SHROOM3: variants seen among roughly 807,000 people sequenced by gnomAD.
SHROOM3 encodes the protein protein Shroom3.
Under a neutral mutation model 138.6 loss-of-function variants are expected in SHROOM3, and 47 were observed. The ratio of observed to expected loss-of-function variants is 0.34; its 90% CI spans 0.27 to 0.43. The LOEUF is 0.43. Ranked by LOEUF, SHROOM3 falls within the 20% of genes least tolerant of loss-of-function variation. The probability of loss-of-function intolerance (pLI) is 1.00; values close to 1 mark genes in which losing one functional copy is unlikely to be tolerated. For missense variants in SHROOM3, 2,491 were observed against 2,596.5 expected (o/e 0.96, Z 0.88); for synonymous variants, 1,062 against 1,063.3 (o/e 1.00, Z 0.02).
chr4:76,538,106 C>T (rs941577166), intron 1 of SHROOM3, among the ~76,000 whole-genome samples: 2 of 152,122 alleles, frequency 1.3e-5, no homozygotes, highest in Non-Finnish European at 2.9e-5. Context: ...CAGGGTTTCA[C>T]CAGGCTGGTC....
intron 9 of SHROOM3, among the ~76,000 whole-genome samples, chr4:76,765,056 T>C (rs1475709635): frequency 6.6e-6 from 1 of 152,120 alleles, no homozygotes; most frequent in South Asian, 2.1e-4. Flanking sequence ...GATTGGATAA[T>C]TTCTGTTGGT....
At chr4:76,562,269 A>G (rs1297785631) in intron 2 of SHROOM3, among the ~76,000 whole-genome samples, 1 of 152,182 alleles carries the variant, frequency 6.6e-6, no homozygotes, top group Admixed American at 6.5e-5. Flanking sequence ...TAAGTTCACC[A>G]AGACCCTTGG....
At chr4:76,462,050 G>T (rs1161732947) in intron 1 of SHROOM3, among the ~76,000 whole-genome samples, 1 of 152,168 alleles carries the variant, frequency 6.6e-6, no homozygotes, top group Non-Finnish European at 1.5e-5. Flanking sequence ...CCCTCCTACA[G>T]TATTAGCTCT....
intron 1 of SHROOM3, among the ~76,000 whole-genome samples, chr4:76,498,700 T>C (rs1452364854): frequency 6.6e-6 from 1 of 152,056 alleles, no homozygotes; most frequent in Non-Finnish European, 1.5e-5. Context: ...GAGAGGCATA[T>C]TTGCTGAATA....
intron 5 of SHROOM3, chr4:76,742,200 G>T: frequency 1.0e-5 from 5 of 488,420 alleles, no homozygotes; most frequent in South Asian, 5.4e-5. Context: ...ACCTCTCAAT[G>T]GAAAAATGCA....
At chr4:76,671,098 C>T (rs1718867379) in intron 2 of SHROOM3, among the ~76,000 whole-genome samples, 1 of 152,174 alleles carries the variant, frequency 6.6e-6, no homozygotes, top group African/African-American at 2.4e-5. Context: ...GTTCAACAAA[C>T]ATTTGACCAC....
intron 1 of SHROOM3, among the ~76,000 whole-genome samples, chr4:76,500,661 A>G (rs1038043021): frequency 5.9e-5 from 9 of 152,146 alleles, no homozygotes; most frequent in Non-Finnish European, 1.3e-4. Flanking sequence ...GTGGGTACAC[A>G]GTAGTATCTC....
intron 1 of SHROOM3, among the ~76,000 whole-genome samples, chr4:76,452,832 C>T (rs1191313216): frequency 6.6e-6 from 1 of 152,184 alleles, no homozygotes; most frequent in Non-Finnish European, 1.5e-5. Context: ...ATTCTCCTGC[C>T]TCAGCCTCCC....
At chr4:76,728,255 A>T (rs2110127109) in intron 3 of SHROOM3, among the ~76,000 whole-genome samples, 1 of 152,326 alleles carries the variant, frequency 6.6e-6, no homozygotes, top group South Asian at 2.1e-4. Context: ...ACAAAATCTC[A>T]TCTTTAATTC....
At chr4:76,746,780 ACAT>A (rs1721446979) in intron 5 of SHROOM3, among the ~76,000 whole-genome samples, 1 of 138,540 alleles carries the variant, frequency 7.2e-6, no homozygotes, top group South Asian at 2.3e-4. Context: ...CTTTAGATTT[ACAT>A]TATTATTATT....
At position 76,741,014 on chromosome 4, in the gene SHROOM3, G is replaced by T; in HGVS notation, c.2841G>T (p.Glu947Asp). ...GATSFRRRDL[E>D]LGAPVASRSW... The stretch of plus-strand genomic sequence containing the variant: ...CCTCCTTTCGACGTCGAGACCTGGA[G>T]CTGGGGGCGCCCGTGGCGTCGAGGT... Residue 947 changes from glutamate to aspartate, a missense_variant, in exon 5 of 11, where the codon GAG becomes GAT. Glu to Asp is a conservative substitution (Grantham distance 45). Transcript: ENST00000296043. The surrounding 1 kb of genome is among the most constrained non-coding windows in gnomAD (Gnocchi z 6.2). 6.7e-7 allele frequency: 1 copy of T among 1,486,154 alleles called. No individual in the cohort carries two copies. Among genetic ancestry groups the T allele is most frequent in the Non-Finnish European group, 8.9e-7 (1 of 1,122,074 alleles). The allele number at this position is 1,486,154 out of a possible 1,614,324, so 92.1% of individuals were successfully genotyped here.
At chr4:76,748,001 A>T (rs976034287) in intron 5 of SHROOM3, among the ~76,000 whole-genome samples, 1 of 152,208 alleles carries the variant, frequency 6.6e-6, no homozygotes, top group Non-Finnish European at 1.5e-5. Context: ...TACAAAAAAA[A>T]AGTCAAGTGC....
chr4:76,568,131 G>A (rs147668264), intron 2 of SHROOM3, among the ~76,000 whole-genome samples: 5 of 152,184 alleles, frequency 3.3e-5, no homozygotes, highest in African/African-American at 4.8e-5. Context: ...TGTGGTATCC[G>A]CAGTGCTTGG....
chr4:76,492,634 G>C (rs192319646), intron 1 of SHROOM3, among the ~76,000 whole-genome samples: 182 of 152,284 alleles, frequency 1.2e-3, no homozygotes, highest in African/African-American at 4.3e-3. Context: ...TCCTGACTCC[G>C]CATTAATAAC....
chr4:76,739,111 C>A lies in SHROOM3; in HGVS notation c.938C>A (p.Thr313Asn). The change falls in exon 5 of 11, where the codon ACC becomes AAC. Residue 313 changes from threonine (T) to asparagine (N), a missense_variant. Thr to Asn is a moderately conservative substitution (Grantham distance 65). Transcript: ENST00000296043. ...DIRYVKTVYDTRRGVSAEYEV... is the reference protein window; with the variant it reads ...DIRYVKTVYDNRRGVSAEYEV... ...CGCTATGTCAAGACAGTCTATGACA[C>A]CCGGAGGGGAGTCTCAGCAGAGTAT... 1 of 1,614,230 alleles carries A rather than the reference C, an allele frequency of 6.2e-7. No individual in the cohort carries two copies. The highest frequency in any genetic ancestry group is 8.5e-7 in the Non-Finnish European group (1 of 1,180,040).
At position 76,677,152 on chromosome 4, in the gene SHROOM3, G is replaced by C. The variant is rs147089337; in HGVS notation, c.324-33004G>C. ...CCCATTAGACTTACGAGGTAAAAAG[G>C]GTTTAGAAGTAGCTTGGTTTTTCTT... On this transcript the variant is annotated intron_variant, in intron 2 of 10. Coordinates refer to ENST00000296043, the MANE Select transcript of SHROOM3 (RefSeq NM_020859.4). Among the ~76,000 whole-genome samples the C allele has an allele frequency of 3.3e-5, 5 of 152,170 alleles. No individual in the cohort carries two copies. The East Asian group carries it at 7.7e-4, about 24-fold the overall frequency.
chr4:76,589,582 GC>G lies in SHROOM3; in HGVS notation c.323+33823del, dbSNP rs1213830740. 6.6e-5 allele frequency among the ~76,000 whole-genome samples: 10 copies of G among 152,296 alleles called. No homozygotes were observed. The East Asian group carries it at 1.9e-3, about 29-fold the overall frequency. ...AACTCTGGTGTTGGAATGTAAATGAGCCCCACCCTGGGAAGCTATGGCTGCT... is the reference window on the plus strand; with the variant it reads ...AACTCTGGTGTTGGAATGTAAATGAGCCCACCCTGGGAAGCTATGGCTGCT... On this transcript the variant is annotated intron_variant, in intron 2 of 10. Transcript: ENST00000296043.
At chr4:76,550,216 C>T (rs754485131) in intron 1 of SHROOM3, among the ~76,000 whole-genome samples, 21 of 152,008 alleles carry the variant, frequency 1.4e-4, no homozygotes, top group African/African-American at 4.8e-4. Flanking sequence ...GAGAGAACAC[C>T]GTGTTTCCTT....
chr4:76,711,665 C>T (rs1360064135), intron 3 of SHROOM3, among the ~76,000 whole-genome samples: 1 of 152,048 alleles, frequency 6.6e-6, no homozygotes, highest in Non-Finnish European at 1.5e-5. Flanking sequence ...TGCGCTCTAG[C>T]CTGGGAGACA....
Sources: gnomAD v4.1 joint callset for allele counts (sites outside exome capture counted in the v4.1 genomes callset) on GRCh38, gnomAD v4.1.1 for gene constraint, Gnocchi (gnomAD v3.1) non-coding constraint, MANE v1.5 for transcripts, NCBI Gene and HGNC (gene_info 2026-07-23, HGNC 2026-07-21) for gene names.